ITK: variants seen among roughly 807,000 people sequenced by gnomAD.
The protein encoded by ITK is tyrosine-protein kinase ITK/TSK.
ITK carries 45 observed loss-of-function variants against 87.6 expected under a neutral mutation model. The observed-to-expected ratio is 0.51, with a 90% confidence interval of 0.40 to 0.66. The LOEUF is 0.66. Among genes scored for constraint, ITK ranks in the 30% least tolerant of loss-of-function variants. ITK has a pLI of 0.00. For synonymous variants in ITK, 303 were observed against 273.6 expected (o/e 1.11, Z -1.06); for missense variants, 605 against 766.3 (o/e 0.79, Z 2.48).
intron 3 of ITK, among the ~76,000 whole-genome samples, chr5:157,211,878 G>T (rs773586692): frequency 3.7e-4 from 57 of 152,212 alleles, no homozygotes; most frequent in Non-Finnish European, 7.1e-4. Context: ...AGGGATAACA[G>T]CACCTGCCTT....
At chr5:157,183,330 G>T (rs1032646583) in intron 1 of ITK, among the ~76,000 whole-genome samples, 3 of 152,012 alleles carry the variant, frequency 2.0e-5, no homozygotes, top group African/African-American at 7.2e-5. Context: ...TAAATTAAAG[G>T]CTTCATTTTC....
intron 7 of ITK, among the ~76,000 whole-genome samples, chr5:157,229,874 A>G (rs966024708): frequency 6.6e-6 from 1 of 152,228 alleles, no homozygotes; most frequent in African/African-American, 2.4e-5. Flanking sequence ...AGATTGCACC[A>G]TTGAACTCCA....
chr5:157,204,874 T>C (rs150195585), intron 1 of ITK, among the ~76,000 whole-genome samples: 5 of 152,370 alleles, frequency 3.3e-5, no homozygotes, highest in Non-Finnish European at 7.3e-5. Flanking sequence ...AAAGCTTTCC[T>C]GTATTTGATA....
At chr5:157,240,484 G>A (rs1020656557) in intron 10 of ITK, 1 of 478,322 alleles carries the variant, frequency 2.1e-6, no homozygotes, top group Non-Finnish European at 3.8e-6. Flanking sequence ...GTGCCAAAAA[G>A]GTTGGGGACT....
intron 11 of ITK, among the ~76,000 whole-genome samples, chr5:157,243,105 G>A (rs909867852): frequency 2.0e-5 from 3 of 152,172 alleles, no homozygotes; most frequent in Non-Finnish European, 4.4e-5. Context: ...ATTGAGCCTC[G>A]GAATCTCGTA....
intron 1 of ITK, among the ~76,000 whole-genome samples, chr5:157,198,762 G>A (rs1188108713): frequency 6.6e-6 from 1 of 151,994 alleles, no homozygotes; most frequent in South Asian, 2.1e-4. Context: ...TATCTTTTTT[G>A]TTTTGTTTTA....
chr5:157,247,422 A>G lies in ITK; in HGVS notation c.1633+1423A>G, dbSNP rs1243408837. Among the ~76,000 whole-genome samples the G allele has an allele frequency of 3.3e-5, 5 of 152,172 alleles. No homozygotes were observed. The East Asian group carries it at 5.8e-4, about 18-fold the overall frequency. On this transcript the variant is annotated intron_variant, in intron 15 of 16. Transcript: ENST00000422843. The stretch of plus-strand genomic sequence containing the variant: ...GGGGCTGATGTGCAGTCATCTCACT[A>G]TGGGTGATGAAACTGATCACACTGC...
intron 5 of ITK, among the ~76,000 whole-genome samples, chr5:157,220,444 C>T (rs1005539097): frequency 7.2e-5 from 11 of 152,166 alleles, no homozygotes; most frequent in African/African-American, 2.4e-4. Flanking sequence ...TGCATGTGTC[C>T]TTTCTTGCTG....
chr5:157,250,271 C>A (rs1755115060), intron 16 of ITK, among the ~76,000 whole-genome samples: 1 of 152,182 alleles, frequency 6.6e-6, no homozygotes, highest in Non-Finnish European at 1.5e-5. Context: ...TCACTGTCTT[C>A]ATAGTTTTGC....
At chr5:157,214,390 T>A in intron 4 of ITK, 71 bp downstream of exon 4, 1 of 1,240,862 alleles carries the variant, frequency 8.1e-7, no homozygotes, top group Non-Finnish European at 1.2e-6. Flanking sequence ...TGGCCTTTAA[T>A]CATTGAGGGT....
intron 4 of ITK, 107 bp downstream of exon 4, chr5:157,214,426 C>A: frequency 2.2e-6 from 2 of 929,014 alleles, no homozygotes; most frequent in East Asian, 2.4e-5. Context: ...CAAAATTCTA[C>A]ATTTTCAGAA....
intron 11 of ITK, 143 bp downstream of exon 11, chr5:157,241,863 C>G (rs1019672814): frequency 1.5e-5 from 10 of 678,986 alleles, no homozygotes; most frequent in Non-Finnish European, 2.7e-5. Context: ...GATGATGGCA[C>G]TAATGAATAT....
In ITK at chr5:157,217,924, G is replaced by A. The variant is rs747401591; in HGVS notation, c.495+17G>A. The A allele has an allele frequency of 3.1e-6, 5 of 1,611,952 alleles. No homozygotes were observed. The African/African-American group carries it at 5.3e-5, about 17-fold the overall frequency. ...GACAACAGGGTGAGTGAGAGCGCTAGCTCCGGGTGCAGGTGGGCCCACAGG... is the reference window on the plus strand; with the variant it reads ...GACAACAGGGTGAGTGAGAGCGCTAACTCCGGGTGCAGGTGGGCCCACAGG... On this transcript the variant is annotated intron_variant, in intron 5 of 16. Transcript: ENST00000422843.
chr5:157,233,237 T>C (rs1161728312), intron 8 of ITK, among the ~76,000 whole-genome samples: 2 of 152,192 alleles, frequency 1.3e-5, no homozygotes, highest in African/African-American at 4.8e-5. Context: ...CCAGCCCTCA[T>C]CCTGCCACTT....
chr5:157,200,108 G>A (rs1296665828), intron 1 of ITK, among the ~76,000 whole-genome samples: 2 of 150,508 alleles, frequency 1.3e-5, no homozygotes, highest in Admixed American at 1.3e-4. Context: ...AGAAAGGAAA[G>A]GGGAAAAGAG....
chr5:157,222,746 C>A, intron 5 of ITK, 117 bp from the exon 6 acceptor site: 1 of 947,408 alleles, frequency 1.1e-6, no homozygotes. Flanking sequence ...GTAACTCTAA[C>A]TCATAAAGAA....
At chr5:157,211,204 C>G (rs955140907) in intron 2 of ITK, 83 bp from the exon 3 acceptor site, 35 of 1,123,456 alleles carry the variant, frequency 3.1e-5, no homozygotes, top group Non-Finnish European at 4.6e-5. Flanking sequence ...ACCCGAGACC[C>G]CACTCTCGGC....
intron 3 of ITK, chr5:157,211,612 A>G (rs1223278446): frequency 5.6e-6 from 3 of 531,806 alleles, no homozygotes; most frequent in Admixed American, 6.3e-5. Flanking sequence ...TATATAACTC[A>G]TTTCAAATAG....
At chr5:157,222,316 G>A (rs1754436351) in intron 5 of ITK, among the ~76,000 whole-genome samples, 1 of 152,140 alleles carries the variant, frequency 6.6e-6, no homozygotes, top group Non-Finnish European at 1.5e-5. Context: ...ACAGGAGAAG[G>A]AAGGGAGACA....
Sources: allele counts gnomAD v4.1 joint callset (sites outside exome capture counted in the v4.1 genomes callset), GRCh38; gene constraint gnomAD v4.1.1; transcripts MANE v1.5; gene names NCBI Gene and HGNC (gene_info 2026-07-23, HGNC 2026-07-21).